The following ZRANB3 variants were observed in gnomAD, a reference collection of about 807,000 sequenced individuals.
ZRANB3 encodes DNA annealing helicase and endonuclease ZRANB3.
Under a neutral mutation model 133.8 loss-of-function variants are expected in ZRANB3, and 125 were observed. The ratio of observed to expected loss-of-function variants is 0.93; its 90% confidence interval spans 0.81 to 1.08. ZRANB3 has a LOEUF of 1.08. Among genes scored for constraint, ZRANB3 ranks in the 50% least tolerant of loss-of-function variants. ZRANB3 has a pLI of 0.00. For synonymous variants in ZRANB3, 387 were observed against 432.7 expected (o/e 0.89, Z 1.31); for missense variants, 1,229 against 1,275.5 (o/e 0.96, Z 0.56).
chr2:135,404,984 G>A (rs947562803), intron 2 of ZRANB3, among the ~76,000 whole-genome samples: 1 of 152,162 alleles, frequency 6.6e-6, no homozygotes, highest in Non-Finnish European at 1.5e-5. Flanking sequence ...AACCTTACAT[G>A]TAAATGGACT....
chr2:135,247,071 T>A (rs986030312), intron 12 of ZRANB3, among the ~76,000 whole-genome samples: 1 of 152,238 alleles, frequency 6.6e-6, no homozygotes, highest in African/African-American at 2.4e-5. Flanking sequence ...TTTAATAGAC[T>A]TTGATCAAAG....
At chr2:135,436,505 C>G (rs1212290751) in intron 2 of ZRANB3, among the ~76,000 whole-genome samples, 1 of 152,136 alleles carries the variant, frequency 6.6e-6, no homozygotes, top group Non-Finnish European at 1.5e-5. Flanking sequence ...AAGGCAATCC[C>G]ACTCACAACT....
chr2:135,207,820 C>T lies in ZRANB3; in HGVS notation c.2623G>A (p.Gly875Arg), dbSNP rs1308908992. 6.3e-7 allele frequency: 1 copy of T among 1,592,410 alleles called. No homozygotes were observed. Among genetic ancestry groups the T allele is most frequent in the Admixed American group, 1.7e-5 (1 of 58,940 alleles). The change falls in exon 19 of 21, where the codon GGA becomes AGA. Residue 875 changes from glycine to arginine, a missense_variant. Gly to Arg is a moderately radical substitution (Grantham distance 125). Transcript: ENST00000264159. Reference sequence around the variant, plus strand: ...GGATTTAGAAATGGGACACAGGCTCCATCTTCAAGAAGTTTTCTACAATTG... The same window carrying T: ...GGATTTAGAAATGGGACACAGGCTCTATCTTCAAGAAGTTTTCTACAATTG... The part of the protein sequence containing the change: ...DPFTKKLLED[G>R]ACVPFLNPYT...
At chr2:135,419,369 TACAC>T (rs1361868842) in intron 2 of ZRANB3, among the ~76,000 whole-genome samples, 2 of 151,904 alleles carry the variant, frequency 1.3e-5, no homozygotes, top group Non-Finnish European at 2.9e-5. Context: ...ATATGTGACA[TACAC>T]ACGTGTGTGT....
chr2:135,225,660 T>C (rs546077444), intron 14 of ZRANB3, among the ~76,000 whole-genome samples: 2 of 152,322 alleles, frequency 1.3e-5, no homozygotes, highest in South Asian at 4.1e-4. Flanking sequence ...TATATGTATT[T>C]ACTTTATTAC....
At chr2:135,253,795 T>C (rs1679517998) in intron 12 of ZRANB3, among the ~76,000 whole-genome samples, 1 of 152,228 alleles carries the variant, frequency 6.6e-6, no homozygotes, top group Non-Finnish European at 1.5e-5. Context: ...GTGATCGTAG[T>C]TGACCAAAAC....
chr2:135,375,781 G>A (rs527850270), intron 3 of ZRANB3, among the ~76,000 whole-genome samples: 7 of 151,774 alleles, frequency 4.6e-5, no homozygotes, highest in South Asian at 2.1e-4. Context: ...CTTGAACCCC[G>A]GGAGACGGAG....
intron 11 of ZRANB3, 147 bp downstream of exon 11, chr2:135,268,815 T>C: frequency 1.4e-6 from 1 of 707,488 alleles, no homozygotes; most frequent in Non-Finnish European, 2.2e-6. Flanking sequence ...TACTGAAGCC[T>C]TTTCTTAACT....
rs201179629 is a variant in ZRANB3 at position 135,390,824 on chromosome 2, GAAA to G, written c.162-7_162-5del. 8.0e-3 allele frequency: 10,366 copies of G among 1,289,854 alleles called. 10 individuals are homozygous for G. Among genetic ancestry groups the G allele is most frequent in the East Asian group, 0.031 (1,046 of 33,918 alleles). The allele number at this position is 1,289,854 out of a possible 1,614,324, so 79.9% of individuals were successfully genotyped here. ...TACTTCATCAGCCACCATACACCTG[GAAA>G]AAAAAAAAAAAAAAAATTAATTATC... On this transcript the variant is annotated splice_region_variant and splice_polypyrimidine_tract_variant and intron_variant, in intron 2 of 20. Coordinates refer to ENST00000264159, the MANE Select transcript of ZRANB3 (RefSeq NM_032143.4).
intron 8 of ZRANB3, among the ~76,000 whole-genome samples, chr2:135,280,338 T>G (rs1051620916): frequency 6.6e-6 from 1 of 152,048 alleles, no homozygotes; most frequent in African/African-American, 2.4e-5. Context: ...GAGGCCAAGG[T>G]GGGTGGATCA....
chr2:135,266,766 TAA>T (rs1225504474), intron 11 of ZRANB3, among the ~76,000 whole-genome samples: 17 of 140,628 alleles, frequency 1.2e-4, no homozygotes, highest in Non-Finnish European at 1.6e-4. Flanking sequence ...CTCCATCTCT[TAA>T]AAAAAAAAAA....
intron 11 of ZRANB3, among the ~76,000 whole-genome samples, chr2:135,266,911 C>T (rs1680274998): frequency 6.6e-6 from 1 of 152,172 alleles, no homozygotes; most frequent in Non-Finnish European, 1.5e-5. Context: ...TTCAGATAAA[C>T]TCTTTCAACC....
At chr2:135,251,686 C>T (rs1025168259) in intron 12 of ZRANB3, among the ~76,000 whole-genome samples, 1 of 152,202 alleles carries the variant, frequency 6.6e-6, no homozygotes, top group African/African-American at 2.4e-5. Flanking sequence ...AAGTGCCTTT[C>T]TCCTCCTGCC....
intron 2 of ZRANB3, among the ~76,000 whole-genome samples, chr2:135,468,844 A>C (rs1691121836): frequency 6.6e-6 from 1 of 152,234 alleles, no homozygotes; most frequent in African/African-American, 2.4e-5. Context: ...GAGAGAACTA[A>C]GGATCAGTGG....
At chr2:135,290,478 A>G (rs1253927722) in intron 8 of ZRANB3, among the ~76,000 whole-genome samples, 1 of 152,174 alleles carries the variant, frequency 6.6e-6, no homozygotes, top group African/African-American at 2.4e-5. Flanking sequence ...CCTTAAGTTT[A>G]TGTGAATCCT....
At chr2:135,326,656 C>A (rs1683845359) in intron 6 of ZRANB3, among the ~76,000 whole-genome samples, 1 of 151,872 alleles carries the variant, frequency 6.6e-6, no homozygotes, top group Non-Finnish European at 1.5e-5. Context: ...AATCCCAGCA[C>A]TTTGGGAGGC....
At chr2:135,251,404 T>C (rs1012588423) in intron 12 of ZRANB3, among the ~76,000 whole-genome samples, 6 of 152,112 alleles carry the variant, frequency 3.9e-5, no homozygotes, top group African/African-American at 1.4e-4. Flanking sequence ...AAAGCATAAT[T>C]GGTTTTGAAA....
At chr2:135,210,018 TTC>T (rs1694031769) in intron 17 of ZRANB3, among the ~76,000 whole-genome samples, 2 of 152,186 alleles carry the variant, frequency 1.3e-5, no homozygotes, top group Non-Finnish European at 2.9e-5. Context: ...ATGAGAAATT[TTC>T]TCTCTCACTC....
intron 1 of ZRANB3, 30 bp from the exon 2 acceptor site, chr2:135,504,526 G>C: frequency 6.3e-7 from 1 of 1,581,296 alleles, no homozygotes; most frequent in Non-Finnish European, 8.6e-7. Context: ...AAAAAAGGGA[G>C]GGGTATAAGA....
Sources: gnomAD v4.1 joint callset for allele counts (sites outside exome capture counted in the v4.1 genomes callset) on GRCh38, gnomAD v4.1.1 for gene constraint, MANE v1.5 for transcripts, NCBI Gene and HGNC (gene_info 2026-07-23, HGNC 2026-07-21) for gene names.